Variants in APBB2 observed in about 807,000 individuals in gnomAD.
The protein encoded by APBB2 is Fe65-like 1.
A neutral mutation model predicts 82.5 loss-of-function variants in APBB2; 38 were observed. The ratio of observed to expected loss-of-function variants is 0.46; its 90% CI spans 0.36 to 0.60. The LOEUF is 0.60. Among genes scored for constraint, APBB2 ranks in the 20% least tolerant of loss-of-function variants. The pLI, the probability that APBB2 is intolerant of heterozygous loss-of-function variation, is 0.00. For synonymous variants in APBB2, 341 were observed against 368.2 expected (o/e 0.93, Z 0.85); for missense variants, 772 against 972.3 (o/e 0.79, Z 2.74).
intron 3 of APBB2, among the ~76,000 whole-genome samples, chr4:41,092,715 C>A (rs965714300): frequency 1.3e-5 from 2 of 151,112 alleles, no homozygotes; most frequent in Non-Finnish European, 2.9e-5. Context: ...AGTACTTGGT[C>A]TGAATAGAGT....
chr4:41,039,508 G>T (rs763111042), intron 4 of APBB2, among the ~76,000 whole-genome samples: 2 of 152,150 alleles, frequency 1.3e-5, no homozygotes, highest in Non-Finnish European at 2.9e-5. Flanking sequence ...CAACAGAATG[G>T]GGTATCATAG....
intron 1 of APBB2, among the ~76,000 whole-genome samples, chr4:41,162,375 C>G (rs1284803973): frequency 1.3e-5 from 2 of 152,018 alleles, no homozygotes; most frequent in Non-Finnish European, 2.9e-5. Flanking sequence ...TTGATAAAAT[C>G]AGATCAATTG....
chr4:41,022,102 A>C (rs967178904), intron 5 of APBB2, among the ~76,000 whole-genome samples: 1 of 152,240 alleles, frequency 6.6e-6, no homozygotes, highest in African/African-American at 2.4e-5. Flanking sequence ...AGCAAGACCA[A>C]GAACCCACCA....
At chr4:41,088,200 T>C (rs1167500454) in intron 3 of APBB2, among the ~76,000 whole-genome samples, 2 of 152,222 alleles carry the variant, frequency 1.3e-5, no homozygotes, top group Non-Finnish European at 1.5e-5. Context: ...ACCATGATTG[T>C]AAACTCAGGC....
intron 12 of APBB2, among the ~76,000 whole-genome samples, chr4:40,888,043 C>A (rs528534844): frequency 6.6e-6 from 1 of 152,186 alleles, no homozygotes; most frequent in African/African-American, 2.4e-5. Context: ...AGTCTCCCTG[C>A]GGTCTGACTC....
chr4:41,074,716 TCTC>T (rs1426084149), intron 3 of APBB2, among the ~76,000 whole-genome samples: 2 of 151,608 alleles, frequency 1.3e-5, no homozygotes, highest in Non-Finnish European at 2.9e-5. Context: ...TTCACGCCAT[TCTC>T]CTGCCTCAGC....
At chr4:40,961,702 A>ACC (rs1793359037) in intron 6 of APBB2, among the ~76,000 whole-genome samples, 1 of 39,280 alleles carries the variant, frequency 2.5e-5, no homozygotes, top group South Asian at 8.8e-4. Context: ...AAAAAAAAAG[A>ACC]AACCAGTTTC....
intron 6 of APBB2, among the ~76,000 whole-genome samples, chr4:40,962,332 T>C (rs1286970105): frequency 6.6e-6 from 1 of 152,172 alleles, no homozygotes; most frequent in Non-Finnish European, 1.5e-5. Flanking sequence ...AATGAAATAA[T>C]TATTCTCAAA....
rs1165400660 is a variant in APBB2, at chr4:41,062,313, C to CAG, written c.-51+3261_-51+3262dup. Among the ~76,000 whole-genome samples, 15 of 151,306 alleles carry CAG rather than the reference C, an allele frequency of 9.9e-5. No homozygotes were observed. In the South Asian group the frequency reaches 1.1e-3, roughly 11 times the overall value. On this transcript the variant is annotated intron_variant, in intron 4 of 17. Coordinates refer to ENST00000508593, the MANE Select transcript of APBB2 (RefSeq NM_004307.2). ...TCAGCCTCTCTCGTAGCTGGCATTA[C>CAG]AGGCGCCCTCAAACACACCCAGCTA...
At chr4:40,900,600 C>T (rs946663261) in intron 10 of APBB2, among the ~76,000 whole-genome samples, 5 of 151,820 alleles carry the variant, frequency 3.3e-5, no homozygotes, top group Non-Finnish European at 7.4e-5. Flanking sequence ...GGATTACAGG[C>T]GCAGACCACC....
chr4:40,873,087 C>CAAA (rs71648932), intron 12 of APBB2, among the ~76,000 whole-genome samples: 6 of 106,064 alleles, frequency 5.7e-5, no homozygotes, highest in South Asian at 6.5e-4. Context: ...GACTCCATCT[C>CAAA]AAAAAAAAAA....
At chr4:40,952,656 C>G (rs1213608942) in intron 6 of APBB2, among the ~76,000 whole-genome samples, 1 of 152,138 alleles carries the variant, frequency 6.6e-6, no homozygotes, top group Non-Finnish European at 1.5e-5. Context: ...GAAAAAAGTT[C>G]CCCATCCATA....
At chr4:40,982,293 G>GAAAGAAAGAAAGAAAGAAAGAAA (rs1798917086) in intron 6 of APBB2, among the ~76,000 whole-genome samples, 1 of 32,352 alleles carries the variant, frequency 3.1e-5, no homozygotes, top group African/African-American at 1.9e-4. Flanking sequence ...AAGGAAGGAA[G>GAAAGAAAGAAAGAAAGAAAGAAA]GAAGGAAGGA....
intron 3 of APBB2, among the ~76,000 whole-genome samples, chr4:41,080,883 A>T (rs1737370222): frequency 6.6e-6 from 1 of 151,920 alleles, no homozygotes; most frequent in Non-Finnish European, 1.5e-5. Flanking sequence ...TTGTATTTTT[A>T]GGAGAGTTTT....
rs149607958 is a variant in APBB2, at chr4:40,998,110, C to T, written c.835+15473G>A. Among the ~76,000 whole-genome samples the T allele has an allele frequency of 2.3e-3, 346 of 152,292 alleles. 1 individual carries two copies. Among genetic ancestry groups the T allele is most frequent in the African/African-American group, 8.0e-3 (333 of 41,562 alleles). On this transcript the variant is annotated intron_variant, in intron 6 of 17. Coordinates refer to ENST00000508593, the MANE Select transcript of APBB2 (RefSeq NM_004307.2). ...GAAAACAACTGACACTATTTGTTGG[C>T]AATGATCAAATGCAAGCTTTTAAGC... is the stretch of plus-strand genomic sequence containing the variant.
intron 2 of APBB2, among the ~76,000 whole-genome samples, chr4:41,134,971 A>T (rs1757158093): frequency 6.6e-6 from 1 of 152,236 alleles, no homozygotes; most frequent in Non-Finnish European, 1.5e-5. Flanking sequence ...TGACTGCTCA[A>T]GACCAGTGGT....
At chr4:41,199,528 T>C (rs1191729765) in intron 1 of APBB2, among the ~76,000 whole-genome samples, 4 of 152,238 alleles carry the variant, frequency 2.6e-5, no homozygotes, top group Non-Finnish European at 5.9e-5. Context: ...CCTTTGAATT[T>C]TGACCAATGA....
At chr4:41,167,322 T>G (rs1439477539) in intron 1 of APBB2, among the ~76,000 whole-genome samples, 1 of 152,088 alleles carries the variant, frequency 6.6e-6, no homozygotes, top group Non-Finnish European at 1.5e-5. Flanking sequence ...CCTTCTCATC[T>G]CCCTCGAGGT....
chr4:41,007,961 A>G (rs1320196854), intron 6 of APBB2, among the ~76,000 whole-genome samples: 2 of 152,214 alleles, frequency 1.3e-5, no homozygotes, highest in Admixed American at 6.5e-5. Context: ...CAGAGAAAGG[A>G]CTTTATAAGG....
Sources: gnomAD v4.1 joint callset for allele counts (sites outside exome capture counted in the v4.1 genomes callset) on GRCh38, gnomAD v4.1.1 for gene constraint, MANE v1.5 for transcripts, NCBI Gene and HGNC (gene_info 2026-07-23, HGNC 2026-07-21) for gene names.